Variants in TOP2B observed in about 807,000 individuals in gnomAD.
The protein encoded by TOP2B is DNA topoisomerase II beta, also known as DNA topoisomerase 2-beta.
Under a neutral mutation model 193.5 loss-of-function variants are expected in TOP2B, and 51 were observed. That is an observed-to-expected ratio of 0.26 (90% CI 0.21 to 0.33). The LOEUF is 0.33. Ranked by LOEUF, TOP2B falls within the 10% of genes least tolerant of loss-of-function variation. TOP2B has a pLI of 1.00. For missense variants in TOP2B, 1,378 were observed against 1,909.3 expected, an observed-to-expected ratio of 0.72 and a Z score of 5.19; for synonymous variants, 634 against 635.7, an observed-to-expected ratio of 1.00 and a Z score of 0.04.
At chr3:25,627,483 G>A (rs537653374) in intron 15 of TOP2B, among the ~76,000 whole-genome samples, 187 bp from the exon 16 acceptor site, 52 of 152,050 alleles carry the variant, frequency 3.4e-4, no homozygotes, top group East Asian at 1.9e-4. Context: ...AGCACACAAC[G>A]CTACCTATGA....
chr3:25,626,654 T>C lies in TOP2B; in HGVS notation c.2130A>G (p.Ala710=), dbSNP rs373408701. The C allele has an allele frequency of 2.3e-5, 36 of 1,536,680 alleles. No individual in the cohort carries two copies. The highest frequency in any genetic ancestry group is 2.7e-5 in the Non-Finnish European group (31 of 1,143,082). ...AATCATTATAAGTCAAATGCTTTGT[T>C]GCAGTACCATATAAAAATTGCTAAG... The part of the protein sequence containing the change: ...GLPEQFLYGT[A]TKHLTYNDFI... Residue 710 remains alanine (A), a synonymous_variant, in exon 18 of 36, where the codon GCA becomes GCG. Coordinates refer to ENST00000264331, the MANE Select transcript of TOP2B (RefSeq NM_001330700.2).
At chr3:25,652,578 T>C (rs1703622564) in intron 1 of TOP2B, among the ~76,000 whole-genome samples, 1 of 152,126 alleles carries the variant, frequency 6.6e-6, no homozygotes, top group South Asian at 2.1e-4. Flanking sequence ...ATATAACCAA[T>C]GGGTGAGAGA....
chr3:25,618,716 G>T lies in TOP2B; in HGVS notation c.3197C>A (p.Ser1066Tyr). ...ACGGGCTTGATTGTTAAGCTTTGTA[G>T]ATTCTGCTCCCAACATTCCCACAAG... ...EWLVGMLGAESTKLNNQARFI... is the reference protein window; with the variant it reads ...EWLVGMLGAEYTKLNNQARFI... Residue 1066 changes from serine (S) to tyrosine (Y), a missense_variant, in exon 24 of 36, where the codon TCT becomes TAT. Transcript: ENST00000264331. 1 of 1,613,278 alleles carries T rather than the reference G, an allele frequency of 6.2e-7. No homozygotes were observed. Among genetic ancestry groups the T allele is most frequent in the Non-Finnish European group, 8.5e-7 (1 of 1,179,624 alleles).
Position 25,634,307 on chromosome 3 carries a change from TCAGA to T in TOP2B, c.853-297_853-294del, listed in dbSNP as rs145136728. On this transcript the variant is annotated intron_variant, in intron 7 of 35. Coordinates refer to ENST00000264331, the MANE Select transcript of TOP2B (RefSeq NM_001330700.2). The stretch of plus-strand genomic sequence containing the variant: ...GATAAGGTAGACTTCCAGTTTCAGT[TCAGA>T]CAGATAATGAACTAGCAGGAAAAAA... Among the ~76,000 whole-genome samples the T allele has an allele frequency of 1.4e-3, 213 of 152,232 alleles. 1 individual carries two copies. The highest frequency in any genetic ancestry group is 4.9e-3 in the African/African-American group (204 of 41,548).
chr3:25,663,767 T>G (rs1575592443), intron 1 of TOP2B, among the ~76,000 whole-genome samples: 1 of 152,234 alleles, frequency 6.6e-6, no homozygotes, highest in East Asian at 1.9e-4. Flanking sequence ...CATTCTTCTT[T>G]GAGATTAAAG....
intron 1 of TOP2B, among the ~76,000 whole-genome samples, chr3:25,660,940 C>G (rs4533612): frequency 9.3e-5 from 14 of 150,600 alleles, no homozygotes; most frequent in African/African-American, 3.2e-4. Context: ...TGATAAAATT[C>G]TAGGATTTGC....
chr3:25,619,796 C>A, intron 23 of TOP2B, 66 bp downstream of exon 23: 3 of 1,221,770 alleles, frequency 2.5e-6, no homozygotes, highest in East Asian at 2.4e-5. Flanking sequence ...ATCATGAAAC[C>A]AATTATAATA....
At chr3:25,620,644 C>T (rs761585238) in intron 22 of TOP2B, 38 bp downstream of exon 22, 5 of 1,590,640 alleles carry the variant, frequency 3.1e-6, no homozygotes, top group Non-Finnish European at 4.3e-6. Context: ...GCTTAATACA[C>T]TGCCCTTCCC....
At chr3:25,616,422 A>G (rs1235271390) in intron 25 of TOP2B, among the ~76,000 whole-genome samples, 1 of 151,608 alleles carries the variant, frequency 6.6e-6, no homozygotes, top group African/African-American at 2.4e-5. Flanking sequence ...GGAAAAAAAA[A>G]AAAAAAGCTT....
intron 28 of TOP2B, 84 bp from the exon 29 acceptor site, chr3:25,609,796 C>G: frequency 1.5e-6 from 2 of 1,319,904 alleles, no homozygotes; most frequent in Non-Finnish European, 2.0e-6. Context: ...ACAGATAGCG[C>G]CTTCAAATCA....
chr3:25,644,470 G>A (rs368708941), intron 2 of TOP2B, among the ~76,000 whole-genome samples: 1 of 152,098 alleles, frequency 6.6e-6, no homozygotes. Context: ...GGGGGCCAAG[G>A]TGGATGGATC....
intron 1 of TOP2B, among the ~76,000 whole-genome samples, chr3:25,648,504 A>G (rs1193377410): frequency 1.3e-5 from 2 of 152,210 alleles, no homozygotes; most frequent in East Asian, 1.9e-4. Flanking sequence ...CAAATGCCAA[A>G]GCCCTAACAG....
rs374634133 is a variant in TOP2B, at chr3:25,609,585, C to G, written c.3914G>C (p.Arg1305Thr). 1.6e-5 allele frequency: 26 copies of G among 1,606,146 alleles called. No homozygotes were observed. In the African/African-American group the frequency reaches 3.5e-4, roughly 21 times the overall value. ...VPINKGPKPK[R>T]EKKEPGTRVR... ...TTTCTCACCAGGCTCCTTCTTCTCC[C>G]TCTTAGGTTTGGGACCTTTATTTAT... The change falls in exon 29 of 36, where the codon AGG becomes ACG. Residue 1305 changes from arginine to threonine, a missense_variant. Coordinates refer to ENST00000264331, the MANE Select transcript of TOP2B (RefSeq NM_001330700.2).
At chr3:25,637,146 G>A in intron 6 of TOP2B, 69 bp downstream of exon 6, 1 of 1,221,910 alleles carries the variant, frequency 8.2e-7, no homozygotes, top group Non-Finnish European at 1.2e-6. Flanking sequence ...ATTTACCCAA[G>A]GTTCTACTAT....
Position 25,628,862 on chromosome 3 carries a change from T to C in TOP2B, c.1891A>G (p.Ile631Val). 1 of 1,571,054 alleles carries C rather than the reference T, an allele frequency of 6.4e-7. No homozygotes were observed. The highest frequency in any genetic ancestry group is 8.6e-7 in the Non-Finnish European group (1 of 1,157,072). The change falls in exon 15 of 36, where the codon ATA (isoleucine) becomes GTA (valine). Residue 631 changes from isoleucine (I) to valine (V), a missense_variant. Physicochemically the swap from Ile to Val is conservative, Grantham distance 29. This residue lies in a region of TOP2B where 379 missense variants were observed against 615.1 expected (regional missense o/e 0.62). Transcript: ENST00000264331. ...KHIENQKAWK[I>V]KYYKGLGTST... ...AAATACAAACCTTTATAGTACTTTA[T>C]TTTCCAGGCTTTCTGGTTTTCTATA...
chr3:25,614,623 A>G (rs1221752999), intron 27 of TOP2B, among the ~76,000 whole-genome samples: 3 of 149,222 alleles, frequency 2.0e-5, no homozygotes, highest in Non-Finnish European at 4.5e-5. Flanking sequence ...AGCAACTTTA[A>G]AAAAAAAAAG....
Position 25,664,304 on chromosome 3 carries a change from T to G in TOP2B, c.-7A>C, listed in dbSNP as rs1174830054. On this transcript the variant is annotated 5_prime_UTR_variant, in exon 1 of 36. Transcript: ENST00000264331. ...AGCCACCCGACTTGGCCATGGCGAGTGCCTCCAGCTCACAGGCCCTGAGGC... is the reference window on the plus strand; with the variant it reads ...AGCCACCCGACTTGGCCATGGCGAGGGCCTCCAGCTCACAGGCCCTGAGGC... The G allele has an allele frequency of 3.9e-6, 6 of 1,529,752 alleles. No homozygotes were observed. The highest frequency in any genetic ancestry group is 5.2e-6 in the Non-Finnish European group (6 of 1,143,840). 94.8% of individuals were successfully genotyped at this position (1,529,752 alleles called of 1,614,324 possible).
At chr3:25,657,221 A>G (rs970852482) in intron 1 of TOP2B, among the ~76,000 whole-genome samples, 6 of 152,182 alleles carry the variant, frequency 3.9e-5, no homozygotes, top group African/African-American at 1.4e-4. Flanking sequence ...TTGTCAGCAG[A>G]AAGTTGTCCC....
rs142039725 is a variant in TOP2B at position 25,619,381 on chromosome 3, T to A, written c.3063+481A>T. ...CACTTTTTCTCAGCCACTGTACTACTGCTGAACTTTTTTTACTTTTTTAGA... is the reference window on the plus strand; with the variant it reads ...CACTTTTTCTCAGCCACTGTACTACAGCTGAACTTTTTTTACTTTTTTAGA... On this transcript the variant is annotated intron_variant, in intron 23 of 35. Transcript: ENST00000264331. Among the ~76,000 whole-genome samples the A allele has an allele frequency of 2.3e-3, 343 of 152,182 alleles. 7 individuals carry two copies. The highest frequency in any genetic ancestry group is 4.0e-4 in the Non-Finnish European group (27 of 68,016).
Sources: gnomAD v4.1 joint callset for allele counts (sites outside exome capture counted in the v4.1 genomes callset) on GRCh38, gnomAD v4.1.1 for gene constraint, gnomAD v4.1.1 regional missense constraint, MANE v1.5 for transcripts, NCBI Gene and HGNC (gene_info 2026-07-23, HGNC 2026-07-21) for gene names.